The following SEMA4D variants were observed in gnomAD, a reference collection of about 807,000 sequenced individuals.
SEMA4D encodes semaphorin-4D.
A neutral mutation model predicts 74.8 loss-of-function variants in SEMA4D; 22 were observed. The observed-to-expected ratio is 0.29, with a 90% confidence interval of 0.21 to 0.42. The LOEUF (loss-of-function observed/expected upper bound fraction) is 0.42, where lower values mean the gene tolerates loss of function less well. SEMA4D is among the 10% of genes least tolerant of loss of function. SEMA4D has a pLI of 1.00. For synonymous variants in SEMA4D, 445 were observed against 463.7 expected (o/e 0.96, Z 0.52); for missense variants, 937 against 1,118.4 (o/e 0.84, Z 2.31).
chr9:89,373,619 C>G (rs140312455), downstream of SEMA4D, among the ~76,000 whole-genome samples: 2 of 152,232 alleles, frequency 1.3e-5, no homozygotes, highest in East Asian at 3.8e-4. Context: ...ACTTTGCTAG[C>G]CCTTTAATCA....
At chr9:89,495,495 C>G (rs1214610077) in intron 1 of SEMA4D, among the ~76,000 whole-genome samples, 1 of 152,104 alleles carries the variant, frequency 6.6e-6, no homozygotes, top group Non-Finnish European at 1.5e-5. Flanking sequence ...CTGCACCTGC[C>G]AAGCCCAGGG....
chr9:89,421,214 T>C (rs939356548), intron 2 of SEMA4D, among the ~76,000 whole-genome samples: 1 of 152,176 alleles, frequency 6.6e-6, no homozygotes, highest in African/African-American at 2.4e-5. Context: ...TTCTGCTCAA[T>C]CTCCTCATCC....
chr9:89,474,350 C>G (rs1016218402), intron 1 of SEMA4D, among the ~76,000 whole-genome samples: 1 of 147,154 alleles, frequency 6.8e-6, no homozygotes, highest in Non-Finnish European at 1.5e-5. Context: ...CACCAGCATT[C>G]GAATCCAAAT....
chr9:89,478,634 TAC>T (rs1238788162), intron 1 of SEMA4D, among the ~76,000 whole-genome samples: 2 of 152,112 alleles, frequency 1.3e-5, no homozygotes, highest in African/African-American at 2.4e-5. Context: ...AAGCCCCCAA[TAC>T]ACAGACTATG....
At chr9:89,361,567 AAGC>A (rs1416745642) in exon 19 of SEMA4D, 9 of 152,218 alleles carry the variant, frequency 5.9e-5, no homozygotes, top group African/African-American at 2.2e-4. Flanking sequence ...AGAGACTTGA[AAGC>A]AGGTAGAACA....
At chr9:89,483,540 G>A (rs72750933) in intron 1 of SEMA4D, among the ~76,000 whole-genome samples, 9 of 152,182 alleles carry the variant, frequency 5.9e-5, no homozygotes, top group Non-Finnish European at 1.3e-4. Flanking sequence ...ACACATTGAC[G>A]TCACGCTAAA....
chr9:89,431,357 C>T (rs531447532), intron 2 of SEMA4D, among the ~76,000 whole-genome samples: 1 of 152,330 alleles, frequency 6.6e-6, no homozygotes, highest in East Asian at 1.9e-4. Flanking sequence ...AGGAGGGACA[C>T]CAAAATGCCA....
intron 7 of SEMA4D, among the ~76,000 whole-genome samples, chr9:89,393,244 G>C (rs148804332): frequency 6.2e-4 from 95 of 152,336 alleles, no homozygotes; most frequent in Middle Eastern, 3.4e-3. Flanking sequence ...AGAGGTGAGA[G>C]ACCACTGCAG....
At chr9:89,421,337 A>G (rs1846902254) in intron 2 of SEMA4D, among the ~76,000 whole-genome samples, 1 of 152,146 alleles carries the variant, frequency 6.6e-6, no homozygotes, top group African/African-American at 2.4e-5. Flanking sequence ...ATTACAACAC[A>G]ATACCATTAC....
chr9:89,366,046 T>TGGGCCCAGTGAAGCCCTGTTTC (rs1247073229), intron 16 of SEMA4D, among the ~76,000 whole-genome samples: 1 of 152,192 alleles, frequency 6.6e-6, no homozygotes, highest in Non-Finnish European at 1.5e-5. Flanking sequence ...GAGGCAAGGA[T>TGGGCCCAGTGAAGCCCTGTTTC]GGGCCCAGTG....
In SEMA4D at chr9:89,366,223, T is replaced by C. The variant is rs543659092; in HGVS notation, c.1883-2273A>G. Among the ~76,000 whole-genome samples the C allele has an allele frequency of 1.1e-4, 17 of 152,388 alleles. No individual in the cohort carries two copies. The East Asian group carries it at 3.1e-3, about 28-fold the overall frequency. ...ACACCCATGTATACATGTGTGAACGTAGATAGTCATGGCCCAAAAATGGCT... is the reference window on the plus strand; with the variant it reads ...ACACCCATGTATACATGTGTGAACGCAGATAGTCATGGCCCAAAAATGGCT... On this transcript the variant is annotated intron_variant, in intron 16 of 18. Transcript: ENST00000339861.
chr9:89,454,686 G>A lies in SEMA4D; in HGVS notation c.-244+1202C>T, dbSNP rs140341635. Among the ~76,000 whole-genome samples the A allele has an allele frequency of 5.3e-3, 811 of 152,350 alleles. 6 individuals are homozygous for A. The highest frequency in any genetic ancestry group is 0.019 in the African/African-American group (773 of 41,578). On this transcript the variant is annotated intron_variant, in intron 2 of 15. Transcript: ENST00000422704. The stretch of plus-strand genomic sequence containing the variant: ...TGTCAAACCGCAGTGGGTGTCCCAC[G>A]GTGACGGCAGGGTGTGAGGGCAGCA...
chr9:89,375,551 A>C (rs115902772), downstream of SEMA4D, among the ~76,000 whole-genome samples: 1,262 of 152,308 alleles, frequency 8.3e-3, 20 homozygotes, highest in African/African-American at 0.029. Flanking sequence ...GGAGCTACTG[A>C]CAGTGTGTTT....
At chr9:89,372,251 C>T (rs1003443603), downstream of SEMA4D, among the ~76,000 whole-genome samples, 11 of 46,100 alleles carry the variant, frequency 2.4e-4, no homozygotes, top group South Asian at 8.2e-3. Context: ...TGTGTCTGGG[C>T]TGTGGTGGGT....
chr9:89,381,011 C>T lies in SEMA4D; in HGVS notation c.1663+44G>A. The T allele has an allele frequency of 6.2e-7, 1 of 1,611,622 alleles. No individual in the cohort carries two copies. The highest frequency in any genetic ancestry group is 2.2e-5 in the East Asian group (1 of 44,872). ...GAAGCACCGTGAAATGGCTACAAGA[C>T]CTCGCCACTCCCAAAGGAAATGGGA... is the stretch of plus-strand genomic sequence containing the variant. On this transcript the variant is annotated intron_variant, in intron 15 of 15. Coordinates refer to ENST00000422704, the MANE Select transcript of SEMA4D (RefSeq NM_001371194.2). This position sits in a 1 kb window ranked among gnomAD's most constrained non-coding sequence, Gnocchi z 4.6.
At chr9:89,404,267 A>G (rs1842803331) in intron 3 of SEMA4D, among the ~76,000 whole-genome samples, 1 of 152,244 alleles carries the variant, frequency 6.6e-6, no homozygotes, top group Non-Finnish European at 1.5e-5. Flanking sequence ...AGGCGCCTGG[A>G]GCAGACGCTC....
Position 89,378,688 on chromosome 9 carries a change from G to C in SEMA4D, c.*16C>G. On this transcript the variant is annotated 3_prime_UTR_variant, in exon 16 of 16. Transcript: ENST00000422704. ...CACGTCGCAGCCGAGGCACCAGCGGGGATGCACAGCCGGCCTCAGTCTCCA... is the reference window on the plus strand; with the variant it reads ...CACGTCGCAGCCGAGGCACCAGCGGCGATGCACAGCCGGCCTCAGTCTCCA... The C allele has an allele frequency of 6.2e-7, 1 of 1,600,178 alleles. No individual in the cohort carries two copies.
intron 2 of SEMA4D, among the ~76,000 whole-genome samples, chr9:89,452,491 G>A (rs10909789): frequency 0.37 from 55,844 of 151,094 alleles, 11,269 homozygotes; most frequent in East Asian, 0.57. Context: ...TCACTCTGTC[G>A]CCTAGGCTGG....
chr9:89,430,714 A>C (rs774642920), intron 2 of SEMA4D, among the ~76,000 whole-genome samples: 3 of 152,214 alleles, frequency 2.0e-5, no homozygotes, highest in Non-Finnish European at 4.4e-5. Context: ...TGGTGGCCCA[A>C]GCCTGTAATC....
Sources: gnomAD v4.1 joint callset for allele counts (sites outside exome capture counted in the v4.1 genomes callset) on GRCh38, gnomAD v4.1.1 for gene constraint, Gnocchi (gnomAD v3.1) non-coding constraint, MANE v1.5 for transcripts, NCBI Gene and HGNC (gene_info 2026-07-23, HGNC 2026-07-21) for gene names.